MGAM: variants seen among roughly 807,000 people sequenced by gnomAD.
MGAM encodes the protein maltase-glucoamylase.
MGAM carries 253 observed loss-of-function variants against 358.8 expected under a neutral mutation model. That is an observed-to-expected ratio of 0.71 (90% confidence interval 0.64 to 0.78). The LOEUF is 0.78. Among genes scored for constraint, MGAM ranks in the 30% least tolerant of loss-of-function variants. The probability of loss-of-function intolerance (pLI) is 0.00; values close to 1 mark genes in which losing one functional copy is unlikely to be tolerated. For missense variants in MGAM, 3,080 were observed against 3,432.6 expected (o/e 0.90, Z 2.57); for synonymous variants, 1,105 against 1,227.1 (o/e 0.90, Z 2.08).
rs1815474189 is a variant in MGAM at position 142,092,373 on chromosome 7, T to G, written c.6946-148T>G. Reference sequence around the variant, plus strand: ...GGGGTGAATTCATCTTTCTAGCCAGTTCTCACCAGGATTTGATGAAGCTCC... The same window carrying G: ...GGGGTGAATTCATCTTTCTAGCCAGGTCTCACCAGGATTTGATGAAGCTCC... On this transcript the variant is annotated intron_variant, in intron 58 of 70. Coordinates refer to ENST00000475668, the MANE Select transcript of MGAM (RefSeq NM_001365693.1). 3 of 896,466 alleles carry G rather than the reference T, an allele frequency of 3.3e-6. 1 individual carries two copies. In the Admixed American group the frequency reaches 7.1e-5, roughly 21 times the overall value. The allele number at this position is 896,466 out of a possible 1,614,324, so 55.5% of individuals were successfully genotyped here. A position where few individuals can be genotyped will look rare whatever the true frequency, so the allele number is the denominator to read the frequency against.
At chr7:142,096,753 G>T (rs1024287309) in intron 65 of MGAM, among the ~76,000 whole-genome samples, 2 of 152,144 alleles carry the variant, frequency 1.3e-5, no homozygotes, top group African/African-American at 4.8e-5. Context: ...CAGTCCTCTA[G>T]CACTATTACA....
At chr7:142,081,224 TC>T (rs1405116234) in intron 50 of MGAM, among the ~76,000 whole-genome samples, 16 of 146,606 alleles carry the variant, frequency 1.1e-4, no homozygotes, top group African/African-American at 3.9e-4. Context: ...AGGTTTCTCT[TC>T]TCATGACAAC....
At chr7:142,019,106 T>C in intron 3 of MGAM, 93 bp from the exon 4 acceptor site, 3 of 1,359,098 alleles carry the variant, frequency 2.2e-6, no homozygotes, top group Non-Finnish European at 3.0e-6. Flanking sequence ...ATGAAATTAT[T>C]CATACCAGAG....
At chr7:142,076,500 A>G in intron 46 of MGAM, 159 bp from the exon 47 acceptor site, 1 of 882,752 alleles carries the variant, frequency 1.1e-6, no homozygotes, top group Non-Finnish European at 1.8e-6. Context: ...AGGATTATCA[A>G]ACTAATGTTG....
At chr7:142,008,185 G>A (rs1356027446) in intron 2 of MGAM, among the ~76,000 whole-genome samples, 1 of 152,160 alleles carries the variant, frequency 6.6e-6, no homozygotes, top group Non-Finnish European at 1.5e-5. Context: ...TGGCCTGAAG[G>A]CCATAGTTAC....
intron 16 of MGAM, 133 bp from the exon 17 acceptor site, chr7:142,036,036 C>A: frequency 3.1e-6 from 2 of 647,384 alleles, no homozygotes; most frequent in South Asian, 1.9e-5. Flanking sequence ...AGGCTATGAC[C>A]AAATTTTGAC....
At chr7:142,099,859 T>C (rs1816292486) in intron 67 of MGAM, 122 bp downstream of exon 67, 1 of 1,403,286 alleles carries the variant, frequency 7.1e-7, no homozygotes, top group South Asian at 1.4e-5. Context: ...CACTTGTTTT[T>C]TCTTTGTTTG....
chr7:142,080,549 G>A (rs564176423), intron 49 of MGAM, among the ~76,000 whole-genome samples: 7 of 146,042 alleles, frequency 4.8e-5, no homozygotes, highest in African/African-American at 1.2e-4. Flanking sequence ...GATTTTCTAC[G>A]TTAGCACCAA....
chr7:142,041,919 A>G (rs1808671176), intron 21 of MGAM, among the ~76,000 whole-genome samples: 1 of 20,698 alleles, frequency 4.8e-5, no homozygotes, highest in African/African-American at 3.3e-4. Context: ...ATATATACGT[A>G]TAATATATAA....
intron 17 of MGAM, among the ~76,000 whole-genome samples, chr7:142,036,564 TAAG>T (rs1390064097): frequency 3.3e-5 from 5 of 152,178 alleles, no homozygotes; most frequent in African/African-American, 1.2e-4. Context: ...TGCTTTTAAA[TAAG>T]AAGCAAACAA....
chr7:142,098,371 G>T (rs961207141), intron 66 of MGAM, among the ~76,000 whole-genome samples: 1 of 152,112 alleles, frequency 6.6e-6, no homozygotes, highest in African/African-American at 2.4e-5. Flanking sequence ...AAGAATCAAA[G>T]AAGGCATTTC....
In MGAM at chr7:142,099,612, G is replaced by T; in HGVS notation, c.7750-1G>T. 1 of 1,613,862 alleles carries T rather than the reference G, an allele frequency of 6.2e-7. No individual in the cohort carries two copies. Among genetic ancestry groups the T allele is most frequent in the African/African-American group, 1.3e-5 (1 of 75,048 alleles). On this transcript the variant is annotated splice_acceptor_variant, in intron 66 of 70. Coordinates refer to ENST00000475668, the MANE Select transcript of MGAM (RefSeq NM_001365693.1). LOFTEE classifies it high-confidence loss of function. ...CATCTCTTACCTTCTTCTGCCTCCAGGGTGTGGATATTAATGCAAGAGGAG... is the reference window on the plus strand; with the variant it reads ...CATCTCTTACCTTCTTCTGCCTCCATGGTGTGGATATTAATGCAAGAGGAG...
At chr7:142,097,199 A>C (rs542204250) in intron 65 of MGAM, among the ~76,000 whole-genome samples, 52 of 152,150 alleles carry the variant, frequency 3.4e-4, no homozygotes, top group Admixed American at 4.6e-4. Flanking sequence ...GGCCTCCCAA[A>C]GTGCTGAGAT....
chr7:142,060,787 GA>G lies in MGAM; in HGVS notation c.4122+416del, dbSNP rs1812101763. Among the ~76,000 whole-genome samples, 5 of 123,410 alleles carry G rather than the reference GA, an allele frequency of 4.1e-5. No individual in the cohort carries two copies. The East Asian group carries it at 1.2e-3, about 29-fold the overall frequency. The allele number at this position is 123,410 out of a possible 152,430, so 81.0% of individuals were successfully genotyped here. A position where few individuals can be genotyped will look rare whatever the true frequency, so the allele number is the denominator to read the frequency against. ...CCCTTTTAAACAGTCTTCAACCCTCGAAGACTGACTAGGTCATTTTCTTTGT... is the reference window on the plus strand; with the variant it reads ...CCCTTTTAAACAGTCTTCAACCCTCGAGACTGACTAGGTCATTTTCTTTGT... On this transcript the variant is annotated intron_variant, in intron 34 of 70. Transcript: ENST00000475668.
chr7:141,993,394 T>A (rs570657197), upstream of MGAM, among the ~76,000 whole-genome samples: 1 of 152,344 alleles, frequency 6.6e-6, no homozygotes, highest in Non-Finnish European at 1.5e-5. Flanking sequence ...AGATACAAGC[T>A]CCATTTTTTA....
Position 142,019,316 on chromosome 7 carries a change from G to T in MGAM, c.445G>T (p.Ala149Ser). The T allele has an allele frequency of 6.2e-7, 1 of 1,612,374 alleles. No homozygotes were observed. ...AGAGGGCAACCTTGTCAACACAAAT[G>T]CAGGTAAGCCAGAGTCTGCCATGAT... ...HVEGNLVNTN[A>S]GFTARLKNLP... The change falls in exon 4 of 71, where the codon GCA becomes TCA. Residue 149 changes from alanine to serine, a missense_variant. Coordinates refer to ENST00000475668, the MANE Select transcript of MGAM (RefSeq NM_001365693.1).
intron 67 of MGAM, among the ~76,000 whole-genome samples, chr7:142,100,366 C>A (rs573907927): frequency 6.6e-6 from 1 of 152,326 alleles, no homozygotes; most frequent in South Asian, 2.1e-4. Context: ...TCACATCTCT[C>A]TGGTATCAAT....
rs1361585916 is a variant in MGAM, at chr7:142,052,776, C to A, written c.2959-8C>A. On this transcript the variant is annotated splice_region_variant and splice_polypyrimidine_tract_variant and intron_variant, in intron 25 of 70. Transcript: ENST00000475668. Reference sequence around the variant, plus strand: ...GTGCTGATCTATGACTTTGGCCTTACTTTTCAGGCATCCAATTCTTCTGGA... The same window carrying A: ...GTGCTGATCTATGACTTTGGCCTTAATTTTCAGGCATCCAATTCTTCTGGA... The A allele has an allele frequency of 6.2e-7, 1 of 1,613,740 alleles. No homozygotes were observed. The highest frequency in any genetic ancestry group is 1.1e-5 in the South Asian group (1 of 91,068).
At chr7:142,001,154 T>A (rs1804701157) in intron 1 of MGAM, among the ~76,000 whole-genome samples, 1 of 152,228 alleles carries the variant, frequency 6.6e-6, no homozygotes, top group Non-Finnish European at 1.5e-5. Flanking sequence ...CTCTTTGGAA[T>A]GTGAGATAGT....
Sources: allele counts gnomAD v4.1 joint callset (sites outside exome capture counted in the v4.1 genomes callset), GRCh38; gene constraint gnomAD v4.1.1; transcripts MANE v1.5; gene names NCBI Gene and HGNC (gene_info 2026-07-23, HGNC 2026-07-21).